The following ADGRA1 variants were observed in gnomAD, a reference collection of about 807,000 sequenced individuals.
ADGRA1 encodes G-protein coupled receptor 123.
In ADGRA1, 12 loss-of-function variants were observed where a neutral mutation model predicts 21.3. That is an observed-to-expected ratio of 0.56 (90% CI 0.36 to 0.91). The LOEUF is 0.91. Among genes scored for constraint, ADGRA1 ranks in the 40% least tolerant of loss-of-function variants. The pLI is 0.01. For missense variants in ADGRA1, 790 were observed against 805.6 expected (o/e 0.98, Z 0.23); for synonymous variants, 385 against 368.8 (o/e 1.04, Z -0.50).
chr10:133,092,437 C>G (rs1851609805), intron 2 of ADGRA1, among the ~76,000 whole-genome samples: 1 of 152,180 alleles, frequency 6.6e-6, no homozygotes, highest in Non-Finnish European at 1.5e-5. Context: ...ACTAGCCCAT[C>G]TACTCCTCCA....
At chr10:133,099,739 C>T (rs2135873512) in intron 4 of ADGRA1, among the ~76,000 whole-genome samples, 1 of 152,342 alleles carries the variant, frequency 6.6e-6, no homozygotes, top group East Asian at 1.9e-4. Flanking sequence ...CAGCCCAGTC[C>T]CAGTGGCCAC....
At chr10:133,106,656 A>G (rs1293878095) in intron 5 of ADGRA1, among the ~76,000 whole-genome samples, 1 of 152,254 alleles carries the variant, frequency 6.6e-6, no homozygotes, top group African/African-American at 2.4e-5. Context: ...GCTTCCCCGC[A>G]TCGGGGGTAC....
chr10:133,110,350 G>A (rs551464566), intron 5 of ADGRA1, among the ~76,000 whole-genome samples: 4 of 152,390 alleles, frequency 2.6e-5, no homozygotes, highest in East Asian at 3.9e-4. Flanking sequence ...ACACTCTGGC[G>A]GGAAGGCAGG....
intron 5 of ADGRA1, among the ~76,000 whole-genome samples, chr10:133,122,224 T>G (rs1410315475): frequency 6.6e-6 from 1 of 152,228 alleles, no homozygotes; most frequent in Non-Finnish European, 1.5e-5. Flanking sequence ...CAGGACCTTT[T>G]CGCTCAGGCT....
At chr10:133,102,911 T>G in intron 5 of ADGRA1, 69 bp downstream of exon 5, 1 of 1,510,678 alleles carries the variant, frequency 6.6e-7, no homozygotes, top group Admixed American at 1.8e-5. Context: ...CTTCTGGGTC[T>G]TGGCAAACCT....
intron 5 of ADGRA1, among the ~76,000 whole-genome samples, chr10:133,118,046 G>T (rs11814538): frequency 1.3e-5 from 2 of 152,112 alleles, no homozygotes; most frequent in African/African-American, 4.8e-5. Flanking sequence ...TGAGCCCTGC[G>T]GGGAGCTGGA....
chr10:133,122,008 G>C (rs1852278286), intron 5 of ADGRA1, among the ~76,000 whole-genome samples: 1 of 152,062 alleles, frequency 6.6e-6, no homozygotes, highest in African/African-American at 2.4e-5. Context: ...ATGGGTGCCA[G>C]TGTGTGTGTG....
At chr10:133,101,549 G>A (rs566730180) in intron 4 of ADGRA1, among the ~76,000 whole-genome samples, 63 of 152,274 alleles carry the variant, frequency 4.1e-4, no homozygotes, top group African/African-American at 1.2e-3. Flanking sequence ...CACATGGCAC[G>A]GGTGAGGCTC....
chr10:133,130,272 G>A lies in ADGRA1; in HGVS notation c.*761G>A, dbSNP rs1472626648. 2.6e-5 allele frequency: 4 copies of A among 152,198 alleles called. No individual in the cohort carries two copies. The highest frequency in any genetic ancestry group is 4.8e-5 in the African/African-American group (2 of 41,432). 9.4% of individuals were successfully genotyped at this position (152,198 alleles called of 1,614,324 possible). ...TGTCAGCCTCAGAGGGCCAATGGGG[G>A]GCTTTCACGGGCCCAAGGCTTGGGA... is the stretch of plus-strand genomic sequence containing the variant. On this transcript the variant is annotated 3_prime_UTR_variant, in exon 7 of 7. Transcript: ENST00000392607.
rs1852455224 is a variant in ADGRA1 at position 133,129,160 on chromosome 10, G to C, written c.1332G>C (p.Leu444=). ...ACGCCTACCACATCCCATCCAGCCT[G>C]GATGGCAGCCCCCGCAGCTCGCGCA... The part of the protein sequence containing the change: ...PEYAYHIPSS[L]DGSPRSSRTD... Residue 444 remains leucine (L), a synonymous_variant, in exon 7 of 7, where the codon CTG becomes CTC. Coordinates refer to ENST00000392607, the MANE Select transcript of ADGRA1 (RefSeq NM_001083909.3). 2 of 1,553,420 alleles carry C rather than the reference G, an allele frequency of 1.3e-6. No individual in the cohort carries two copies.
chr10:133,111,295 CCCCCCCGGGA>C (rs1851998099), intron 5 of ADGRA1, among the ~76,000 whole-genome samples: 12 of 78,332 alleles, frequency 1.5e-4, no homozygotes, highest in Non-Finnish European at 1.9e-4. Flanking sequence ...AGACAACCTG[CCCCCCCGGGA>C]ACCATCCCTC....
chr10:133,088,685 G>T, intron 1 of ADGRA1, 23 bp from the exon 2 acceptor site: 1 of 1,221,980 alleles, frequency 8.2e-7, no homozygotes, highest in Non-Finnish European at 1.0e-6. Flanking sequence ...CGCCCGCCCC[G>T]CTGACCGCCG....
intron 3 of ADGRA1, 140 bp from the exon 4 acceptor site, chr10:133,098,500 C>T (rs1224546181): frequency 9.1e-6 from 9 of 986,620 alleles, no homozygotes; most frequent in African/African-American, 6.6e-5. Flanking sequence ...CTCCCCTGAC[C>T]GGGTCCTCGG....
chr10:133,120,392 G>A (rs1282891425), intron 5 of ADGRA1, among the ~76,000 whole-genome samples: 4 of 152,284 alleles, frequency 2.6e-5, no homozygotes, highest in South Asian at 2.1e-4. Context: ...GCGACAGAGC[G>A]AGACTCTGTC....
At chr10:133,104,993 G>C (rs950514899) in intron 5 of ADGRA1, among the ~76,000 whole-genome samples, 1 of 152,130 alleles carries the variant, frequency 6.6e-6, no homozygotes, top group Non-Finnish European at 1.5e-5. Flanking sequence ...CAGAGCCTCC[G>C]CTCACCTCCC....
At chr10:133,094,120 T>A (rs1348924713) in intron 2 of ADGRA1, among the ~76,000 whole-genome samples, 1 of 152,270 alleles carries the variant, frequency 6.6e-6, no homozygotes, top group Non-Finnish European at 1.5e-5. Context: ...CCTCAGTCCG[T>A]GTGAAACCTC....
chr10:133,112,970 C>T (rs71484058), intron 5 of ADGRA1, among the ~76,000 whole-genome samples: 28,765 of 107,276 alleles, frequency 0.27, 5,278 homozygotes, highest in Non-Finnish European at 0.31. Context: ...TTGGGGTCTG[C>T]GGGCCGCGTC....
chr10:133,105,502 C>G (rs1851877641), intron 5 of ADGRA1, among the ~76,000 whole-genome samples: 1 of 152,272 alleles, frequency 6.6e-6, no homozygotes. Context: ...TGGGGTTGGC[C>G]CACATGCAAC....
intron 5 of ADGRA1, among the ~76,000 whole-genome samples, chr10:133,110,132 G>A (rs924201588): frequency 9.2e-5 from 14 of 152,250 alleles, no homozygotes; most frequent in Non-Finnish European, 2.1e-4. Flanking sequence ...AAGACTCCAG[G>A]TGCCGTCTCC....
Sources: gnomAD v4.1 joint callset for allele counts (sites outside exome capture counted in the v4.1 genomes callset) on GRCh38, gnomAD v4.1.1 for gene constraint, MANE v1.5 for transcripts, NCBI Gene and HGNC (gene_info 2026-07-23, HGNC 2026-07-21) for gene names.